Variants in EIF2S2 observed in about 807,000 individuals in gnomAD.
EIF2S2 encodes eukaryotic translation initiation factor 2 subunit beta.
A neutral mutation model predicts 44.0 loss-of-function variants in EIF2S2; 4 were observed. The observed-to-expected ratio is 0.09, with a 90% CI of 0.04 to 0.21. EIF2S2 has a LOEUF of 0.21. EIF2S2 is among the 10% of genes least tolerant of loss of function. The pLI, the probability that EIF2S2 is intolerant of heterozygous loss-of-function variation, is 1.00. For synonymous variants in EIF2S2, 108 were observed against 128.3 expected, an observed-to-expected ratio of 0.84 and a Z score of 1.07; for missense variants, 154 against 392.0, an observed-to-expected ratio of 0.39 and a Z score of 5.13.
chr20:34,096,839 T>C (rs1272252451), intron 5 of EIF2S2, 34 bp from the exon 6 acceptor site: 1 of 1,589,538 alleles, frequency 6.3e-7, no homozygotes, highest in Admixed American at 1.8e-5. Context: ...TGAATACGCT[T>C]AGTAACTGCA....
At chr20:34,100,016 CTTATTA>C (rs916198849) in intron 3 of EIF2S2, among the ~76,000 whole-genome samples, 31 of 152,084 alleles carry the variant, frequency 2.0e-4, no homozygotes, top group Admixed American at 5.9e-4. Context: ...TTATTTACTT[CTTATTA>C]TTATTATTTT....
chr20:34,089,451 A>G lies in EIF2S2; in HGVS notation c.*279T>C. 1 of 368,528 alleles carries G rather than the reference A, an allele frequency of 2.7e-6. No individual in the cohort carries two copies. The highest frequency in any genetic ancestry group is 4.8e-6 in the Non-Finnish European group (1 of 207,368). The allele number at this position is 368,528 out of a possible 1,614,324, so 22.8% of individuals were successfully genotyped here. The stretch of plus-strand genomic sequence containing the variant: ...CCAAATTGAAAGAATCACTGTTATA[A>G]TAACTTTAATTTATCTTGCATTTTA... On this transcript the variant is annotated 3_prime_UTR_variant, in exon 9 of 9. Transcript: ENST00000374980.
chr20:34,106,754 A>C (rs1488312584), intron 1 of EIF2S2, among the ~76,000 whole-genome samples: 2 of 152,156 alleles, frequency 1.3e-5, no homozygotes, highest in Non-Finnish European at 2.9e-5. Flanking sequence ...TCTTATCTAA[A>C]TGTCCACTAT....
chr20:34,101,537 C>G (rs1339342216), intron 3 of EIF2S2, among the ~76,000 whole-genome samples: 2 of 152,142 alleles, frequency 1.3e-5, no homozygotes, highest in African/African-American at 4.8e-5. Context: ...TAAATAAGAA[C>G]TTAGAAATGC....
In EIF2S2 at chr20:34,098,378, T is replaced by C. The variant is rs1187375384; in HGVS notation, c.433+120A>G. ...ACACTGTTTCCTTTCGCTTCCATTA[T>C]CAGTCAGTAGAAATAAGGGGCAAGA... On this transcript the variant is annotated intron_variant, in intron 4 of 8. Coordinates refer to ENST00000374980, the MANE Select transcript of EIF2S2 (RefSeq NM_003908.5). 4.7e-6 allele frequency: 5 copies of C among 1,069,388 alleles called. No homozygotes were observed. The African/African-American group carries it at 7.9e-5, about 17-fold the overall frequency. The allele number at this position is 1,069,388 out of a possible 1,614,324, so 66.2% of individuals were successfully genotyped here.
chr20:34,106,307 A>T (rs547050423), intron 1 of EIF2S2, among the ~76,000 whole-genome samples: 16 of 152,090 alleles, frequency 1.1e-4, no homozygotes, highest in East Asian at 7.7e-4. Flanking sequence ...AAAAAACAAA[A>T]TTTTTTTTAA....
In EIF2S2 at chr20:34,097,484, C is replaced by A. The variant is rs745436158; in HGVS notation, c.466G>T (p.Gly156Cys). The A allele has an allele frequency of 1.2e-6, 2 of 1,613,570 alleles. No individual in the cohort carries two copies. The highest frequency in any genetic ancestry group is 2.2e-5 in the South Asian group (2 of 91,074). The change falls in exon 5 of 9, where the codon GGT becomes TGT. Residue 156 changes from glycine to cysteine, a missense_variant. Transcript: ENST00000374980. ...CCTGTCTGATTACTGAATGAGATAC[C>A]ATCATCTTTTTTGTTGTCTTCATCT... ...LEDEDNKKDD[G>C]ISFSNQTGPA... is the part of the protein sequence containing the mutation.
intron 7 of EIF2S2, among the ~76,000 whole-genome samples, chr20:34,093,386 C>T (rs2034189992): frequency 6.6e-6 from 1 of 152,188 alleles, no homozygotes; most frequent in African/African-American, 2.4e-5. Flanking sequence ...AATATTTGCT[C>T]CATAAAAAGA....
intron 1 of EIF2S2, among the ~76,000 whole-genome samples, chr20:34,106,110 G>A (rs572228803): frequency 2.0e-5 from 3 of 152,022 alleles, no homozygotes; most frequent in African/African-American, 7.2e-5. Context: ...TGTAGAGACG[G>A]GGTCTCCCTC....
chr20:34,101,155 A>G (rs1281307305), intron 3 of EIF2S2, among the ~76,000 whole-genome samples: 1 of 152,216 alleles, frequency 6.6e-6, no homozygotes, highest in Admixed American at 6.5e-5. Context: ...TATCAAGACC[A>G]ATCTGCCAGC....
At chr20:34,095,600 C>A (rs887405698) in intron 6 of EIF2S2, among the ~76,000 whole-genome samples, 1 of 152,232 alleles carries the variant, frequency 6.6e-6, no homozygotes, top group African/African-American at 2.4e-5. Context: ...GCGTGAGCTA[C>A]TGCGCCCAGC....
intron 7 of EIF2S2, among the ~76,000 whole-genome samples, chr20:34,092,704 C>T (rs1201265072): frequency 6.6e-6 from 1 of 152,102 alleles, no homozygotes; most frequent in African/African-American, 2.4e-5. Flanking sequence ...CACAATTCTT[C>T]TACAACAGAG....
intron 2 of EIF2S2, 140 bp from the exon 3 acceptor site, chr20:34,103,705 T>C (rs1313466576): frequency 3.9e-6 from 5 of 1,266,644 alleles, no homozygotes; most frequent in Non-Finnish European, 4.1e-6. Context: ...ACAAAACTTA[T>C]GGTTCTTTTT....
intron 6 of EIF2S2, among the ~76,000 whole-genome samples, chr20:34,094,918 A>G (rs989196615): frequency 1.1e-4 from 16 of 152,354 alleles, no homozygotes; most frequent in Admixed American, 8.5e-4. Flanking sequence ...GTAAGCTCCT[A>G]CATTGCTAGC....
chr20:34,105,251 T>G, intron 2 of EIF2S2, 117 bp downstream of exon 2: 1 of 1,103,094 alleles, frequency 9.1e-7, no homozygotes, highest in Non-Finnish European at 1.3e-6. Flanking sequence ...ACTGATGGCC[T>G]TGACTTCACT....
intron 6 of EIF2S2, among the ~76,000 whole-genome samples, chr20:34,095,709 T>C (rs1242894511): frequency 1.3e-5 from 2 of 152,230 alleles, no homozygotes; most frequent in East Asian, 1.9e-4. Flanking sequence ...TATACTACTA[T>C]TGTCATTAGC....
intron 3 of EIF2S2, among the ~76,000 whole-genome samples, chr20:34,101,614 A>G (rs1298882615): frequency 2.0e-5 from 3 of 151,882 alleles, no homozygotes; most frequent in Admixed American, 6.6e-5. Flanking sequence ...TCCCAGTAAG[A>G]TCTACTTCCA....
chr20:34,111,975 A>T (rs1453945462), intron 1 of EIF2S2, 121 bp downstream of exon 1: 3 of 1,146,076 alleles, frequency 2.6e-6, no homozygotes, highest in Non-Finnish European at 3.4e-6. Flanking sequence ...CGGGCCGCCT[A>T]GGCGCGGCTG....
At chr20:34,093,400 AAG>A (rs2034190280) in intron 7 of EIF2S2, among the ~76,000 whole-genome samples, 1 of 152,226 alleles carries the variant, frequency 6.6e-6, no homozygotes, top group Admixed American at 6.5e-5. Context: ...AAAAAGACTC[AAG>A]AGTTTCAGTT....
Sources: gnomAD v4.1 joint callset for allele counts (sites outside exome capture counted in the v4.1 genomes callset) on GRCh38, gnomAD v4.1.1 for gene constraint, MANE v1.5 for transcripts, NCBI Gene and HGNC (gene_info 2026-07-23, HGNC 2026-07-21) for gene names.